TRIM26: variants seen among roughly 807,000 people sequenced by gnomAD.
TRIM26 encodes the protein tripartite motif containing 26.
TRIM26 carries 16 observed loss-of-function variants against 45.5 expected under a neutral mutation model. The ratio of observed to expected loss-of-function variants is 0.35; its 90% CI spans 0.24 to 0.53. The LOEUF (loss-of-function observed/expected upper bound fraction) is 0.53. Ranked by LOEUF, TRIM26 falls within the 20% of genes least tolerant of loss-of-function variation. The pLI is 0.92. For missense variants in TRIM26, 442 were observed against 691.1 expected (o/e 0.64, Z 4.04); for synonymous variants, 273 against 290.4 (o/e 0.94, Z 0.61).
chr6:30,193,339 G>A (rs558017897), intron 6 of TRIM26, among the ~76,000 whole-genome samples: 23 of 150,268 alleles, frequency 1.5e-4, no homozygotes, highest in South Asian at 1.1e-3. Flanking sequence ...GCACCATCAC[G>A]CCCAGCTAAT....
Position 30,185,854 on chromosome 6 carries a change from G to C in TRIM26, c.*22C>G. Reference sequence around the variant, plus strand: ...AAGAAGTGAAGCATCTGAGGGTTGGGGCTGGGGGCAGATGTCAGGGCTCAG... The same window carrying C: ...AAGAAGTGAAGCATCTGAGGGTTGGCGCTGGGGGCAGATGTCAGGGCTCAG... On this transcript the variant is annotated 3_prime_UTR_variant, in exon 10 of 10. Transcript: ENST00000454678. This position sits in a 1 kb window ranked among gnomAD's most constrained non-coding sequence, Gnocchi z 5.7. 1 of 1,595,090 alleles carries C rather than the reference G, an allele frequency of 6.3e-7. No individual in the cohort carries two copies. Among genetic ancestry groups the C allele is most frequent in the East Asian group, 2.2e-5 (1 of 44,672 alleles).
chr6:30,207,959 T>G lies in TRIM26; in HGVS notation c.-375-3194A>C, dbSNP rs144898699. Among the ~76,000 whole-genome samples the G allele has an allele frequency of 6.6e-6, 1 of 152,218 alleles. No individual in the cohort carries two copies. On this transcript the variant is annotated intron_variant, in intron 1 of 9. Coordinates refer to ENST00000454678, the MANE Select transcript of TRIM26 (RefSeq NM_003449.5). The surrounding 1 kb of genome is among the most constrained non-coding windows in gnomAD (Gnocchi z 4.9). ...AGTTATACAGCCCCAAAACACCCCA[T>G]GCTGCACCCTGTACTTCTCTGCAGT...
chr6:30,190,333 A>C lies in TRIM26; in HGVS notation c.766-298T>G, dbSNP rs760073845. On this transcript the variant is annotated intron_variant, in intron 6 of 9. Transcript: ENST00000454678. The surrounding 1 kb of genome is among the most constrained non-coding windows in gnomAD (Gnocchi z 4.3). ...CTGGCCGGATGAAGAGAGGTAAGGT[A>C]AAACAGGAAAGGGCTTGGTGAGAAC... is the stretch of plus-strand genomic sequence containing the variant. The C allele has an allele frequency of 1.7e-5, 9 of 521,564 alleles. No individual in the cohort carries two copies. The Admixed American group carries it at 2.9e-4, about 17-fold the overall frequency. The allele number at this position is 521,564 out of a possible 1,614,324, so 32.3% of individuals were successfully genotyped here.
At chr6:30,208,015 C>T (rs978040984) in intron 1 of TRIM26, among the ~76,000 whole-genome samples, 1 of 152,158 alleles carries the variant, frequency 6.6e-6, no homozygotes, top group Admixed American at 6.5e-5. Flanking sequence ...TGTAATTACT[C>T]GCTTAACACC....
In TRIM26 at chr6:30,185,806, CCATT is replaced by C; in HGVS notation, c.*66_*69del. ...TGCTTAGGCCAGGCATCCCGTCCCC[CCATT>C]GAGAGTCCTGGAATTCCAAAGAAGT... On this transcript the variant is annotated 3_prime_UTR_variant, in exon 10 of 10. Transcript: ENST00000454678. The surrounding 1 kb of genome is among the most constrained non-coding windows in gnomAD (Gnocchi z 5.7). The C allele has an allele frequency of 6.6e-7, 1 of 1,525,730 alleles. No homozygotes were observed. The highest frequency in any genetic ancestry group is 8.9e-7 in the Non-Finnish European group (1 of 1,129,094). The allele number at this position is 1,525,730 out of a possible 1,614,324, so 94.5% of individuals were successfully genotyped here.
intron 9 of TRIM26, chr6:30,187,633 T>C: frequency 3.1e-6 from 1 of 327,082 alleles, no homozygotes. Context: ...GTAAGAGAAA[T>C]TTGGGGCTGG....
At position 30,196,816 on chromosome 6, in the gene TRIM26, T is replaced by A. The variant is rs1316085896; in HGVS notation, c.535-70A>T. 4 of 1,529,672 alleles carry A rather than the reference T, an allele frequency of 2.6e-6. No homozygotes were observed. In the African/African-American group the frequency reaches 4.1e-5, roughly 16 times the overall value. 94.8% of individuals were successfully genotyped at this position (1,529,672 alleles called of 1,614,324 possible). On this transcript the variant is annotated intron_variant, in intron 5 of 9. Coordinates refer to ENST00000454678, the MANE Select transcript of TRIM26 (RefSeq NM_003449.5). This position sits in a 1 kb window ranked among gnomAD's most constrained non-coding sequence, Gnocchi z 4.9. The stretch of plus-strand genomic sequence containing the variant: ...GGTGGAGGGCCCAGTGCTGGAGGTG[T>A]GCAAGGCTGGCTCGTTCACCTCGCT...
intron 9 of TRIM26, among the ~76,000 whole-genome samples, chr6:30,187,917 C>CAAAA (rs34936729): frequency 4.6e-5 from 2 of 43,598 alleles, no homozygotes; most frequent in South Asian, 8.7e-4. Context: ...GACTCCATCT[C>CAAAA]AAAAAAAAAA....
At chr6:30,187,723 T>C (rs184990114) in intron 9 of TRIM26, 2,159 of 188,198 alleles carry the variant, frequency 0.011, 19 homozygotes, top group Non-Finnish European at 0.015. Context: ...ATCGAGACCA[T>C]CCTGGCTAAC....
chr6:30,189,856 G>T lies in TRIM26; in HGVS notation c.788+157C>A, dbSNP rs1333277305. The T allele has an allele frequency of 1.2e-6, 1 of 838,642 alleles. No individual in the cohort carries two copies. The allele number at this position is 838,642 out of a possible 1,614,324, so 52.0% of individuals were successfully genotyped here. On this transcript the variant is annotated intron_variant, in intron 7 of 9. Coordinates refer to ENST00000454678, the MANE Select transcript of TRIM26 (RefSeq NM_003449.5). The surrounding 1 kb of genome is among the most constrained non-coding windows in gnomAD (Gnocchi z 5.0). ...GGAGAGCAAGTCTCCAGTTCTCAAT[G>T]ATGTGTCCTGCTCCTCAGAAGGGCA...
At chr6:30,191,404 T>C (rs1387345874) in intron 6 of TRIM26, among the ~76,000 whole-genome samples, 1 of 127,286 alleles carries the variant, frequency 7.9e-6, no homozygotes, top group Non-Finnish European at 1.6e-5. Context: ...TCAGAACAGT[T>C]AAAAAAAAAA....
At chr6:30,193,156 GTGTGTGTA>G (rs1291323805) in intron 6 of TRIM26, among the ~76,000 whole-genome samples, 6,903 of 49,668 alleles carry the variant, frequency 0.14, 487 homozygotes, top group Non-Finnish European at 0.17. Context: ...GTGTGTGTGT[GTGTGTGTA>G]TATATATATA....
In TRIM26 at chr6:30,196,785, G is replaced by A. The variant is rs1171799658; in HGVS notation, c.535-39C>T. ...GAAGGGGAGAAGGGCTGACACCTCT[G>A]CTCAGGGTGGAGGGCCCAGTGCTGG... On this transcript the variant is annotated intron_variant, in intron 5 of 9. Transcript: ENST00000454678. This position sits in a 1 kb window ranked among gnomAD's most constrained non-coding sequence, Gnocchi z 4.9. The A allele has an allele frequency of 2.5e-6, 4 of 1,603,878 alleles. No individual in the cohort carries two copies. The highest frequency in any genetic ancestry group is 2.6e-6 in the Non-Finnish European group (3 of 1,171,968).
chr6:30,212,912 GAACA>G (rs774595307), intron 1 of TRIM26, among the ~76,000 whole-genome samples: 2 of 44,914 alleles, frequency 4.5e-5, no homozygotes, highest in Non-Finnish European at 7.7e-5. Context: ...GGTTTACTCC[GAACA>G]AAAAAAAAAA....
At position 30,184,590 on chromosome 6, in the gene TRIM26, A is replaced by G. The variant is rs7843; in HGVS notation, c.*1286T>C. 0.17 allele frequency: 26,312 copies of G among 152,652 alleles called. 2,883 individuals are homozygous for G. Among genetic ancestry groups the G allele is most frequent in the Non-Finnish European group, 0.23 (15,818 of 68,022 alleles). The allele number at this position is 152,652 out of a possible 1,614,324, so 9.5% of individuals were successfully genotyped here. ...AACTAGAGGCAGAAATAAGATGTAC[A>G]TGTGACTCAGGCAGCATGTGACACA... On this transcript the variant is annotated 3_prime_UTR_variant, in exon 10 of 10. Coordinates refer to ENST00000454678, the MANE Select transcript of TRIM26 (RefSeq NM_003449.5).
At position 30,199,268 on chromosome 6, in the gene TRIM26, C is replaced by T. The variant is rs774828269; in HGVS notation, c.-161-4G>A. 99 of 585,768 alleles carry T rather than the reference C, an allele frequency of 1.7e-4. No homozygotes were observed. The highest frequency in any genetic ancestry group is 8.8e-4 in the Middle Eastern group (3 of 3,426). The allele number at this position is 585,768 out of a possible 1,614,324, so 36.3% of individuals were successfully genotyped here. A position where few individuals can be genotyped will look rare whatever the true frequency, so the allele number is the denominator to read the frequency against. ...AATCGACAGACACCACCAGCTCCTA[C>T]AAGGTTCACACAATGTCAACGAGAA... On this transcript the variant is annotated splice_region_variant and splice_polypyrimidine_tract_variant and intron_variant, in intron 3 of 9. Coordinates refer to ENST00000454678, the MANE Select transcript of TRIM26 (RefSeq NM_003449.5).
intron 2 of TRIM26, among the ~76,000 whole-genome samples, chr6:30,203,451 T>C (rs1476758422): frequency 1.3e-5 from 2 of 152,150 alleles, no homozygotes; most frequent in East Asian, 1.9e-4. Context: ...AGTTTTTCTC[T>C]TGTTGCCCAG....
chr6:30,187,073 T>G (rs968399528), intron 9 of TRIM26: 5 of 299,910 alleles, frequency 1.7e-5, no homozygotes, highest in Non-Finnish European at 3.2e-5. Flanking sequence ...TTCATTCACA[T>G]AGTAATTGGG....
At position 30,209,506 on chromosome 6, in the gene TRIM26, A is replaced by G. The variant is rs1020684688; in HGVS notation, c.-376+3799T>C. On this transcript the variant is annotated intron_variant, in intron 1 of 9. Coordinates refer to ENST00000454678, the MANE Select transcript of TRIM26 (RefSeq NM_003449.5). This position sits in a 1 kb window ranked among gnomAD's most constrained non-coding sequence, Gnocchi z 4.8. ...ATTAATGCCTTTCTTGCAAGAGTCC[A>G]TTGGCCAGAACCGTGAGCTGAATAA... Among the ~76,000 whole-genome samples, 1 of 152,158 alleles carries G rather than the reference A, an allele frequency of 6.6e-6. No homozygotes were observed. The highest frequency in any genetic ancestry group is 1.5e-5 in the Non-Finnish European group (1 of 68,024).
Sources: allele counts gnomAD v4.1 joint callset (sites outside exome capture counted in the v4.1 genomes callset), GRCh38; gene constraint gnomAD v4.1.1; non-coding constraint Gnocchi (gnomAD v3.1); transcripts MANE v1.5; gene names NCBI Gene and HGNC (gene_info 2026-07-23, HGNC 2026-07-21).